The following TECTA variants were observed in gnomAD, a reference collection of about 807,000 sequenced individuals.
TECTA encodes the protein tectorin alpha, also known as alpha-tectorin.
In TECTA, 128 loss-of-function variants were observed where a neutral mutation model predicts 216.8. The ratio of observed to expected loss-of-function variants is 0.59; its 90% CI spans 0.51 to 0.68. The LOEUF is 0.68. Among genes scored for constraint, TECTA ranks in the 30% least tolerant of loss-of-function variants. The probability of loss-of-function intolerance (pLI) is 0.00; values close to 1 mark genes in which losing one functional copy is unlikely to be tolerated. For missense variants in TECTA, 2,551 were observed against 2,786.2 expected (o/e 0.92, Z 1.90); for synonymous variants, 1,089 against 1,117.1 (o/e 0.97, Z 0.50).
chr11:121,162,951 G>T (rs932432102), intron 16 of TECTA, among the ~76,000 whole-genome samples: 1 of 152,090 alleles, frequency 6.6e-6, no homozygotes, highest in African/African-American at 2.4e-5. Flanking sequence ...TATTCAATTT[G>T]TTCATTTTCT....
At chr11:121,118,922 C>T (rs758368991) in intron 7 of TECTA, among the ~76,000 whole-genome samples, 4 of 152,068 alleles carry the variant, frequency 2.6e-5, no homozygotes, top group Admixed American at 6.6e-5. Context: ...TAAGCTCTCT[C>T]CTCAACATGT....
chr11:121,113,781 T>C lies in TECTA; in HGVS notation c.790+63T>C. 2 of 1,599,608 alleles carry C rather than the reference T, an allele frequency of 1.3e-6. No homozygotes were observed. Among genetic ancestry groups the C allele is most frequent in the Non-Finnish European group, 1.7e-6 (2 of 1,172,222 alleles). On this transcript the variant is annotated intron_variant, in intron 6 of 23. Coordinates refer to ENST00000392793, the MANE Select transcript of TECTA (RefSeq NM_005422.4). This position sits in a 1 kb window ranked among gnomAD's most constrained non-coding sequence, Gnocchi z 4.2. ...GTTTAGTGTAGATTGACAGGCAAGC[T>C]TTTAAGCCACGGGGGCGGACTCATT...
At chr11:121,107,181 T>C (rs568606965) in intron 3 of TECTA, among the ~76,000 whole-genome samples, 2 of 152,362 alleles carry the variant, frequency 1.3e-5, no homozygotes, top group South Asian at 4.1e-4. Flanking sequence ...TTTTAAGTTT[T>C]GGGTTGTGTT....
Position 121,125,445 on chromosome 11 carries a change from C to T in TECTA, c.1347C>T (p.Val449=). The change falls in exon 8 of 24, where the codon GTC becomes GTT. Residue 449 remains valine (V), a synonymous_variant. Coordinates refer to ENST00000392793, the MANE Select transcript of TECTA (RefSeq NM_005422.4). ...GCCAGCACTACGCCTCCATTTCCGTCCCAGGCTCCTATATAAACTCCACCT... is the reference window on the plus strand; with the variant it reads ...GCCAGCACTACGCCTCCATTTCCGTTCCAGGCTCCTATATAAACTCCACCT... The part of the protein sequence containing the change: ...FDGQHYASIS[V]PGSYINSTCG... 6.2e-7 allele frequency: 1 copy of T among 1,614,202 alleles called. No individual in the cohort carries two copies. Among genetic ancestry groups the T allele is most frequent in the Non-Finnish European group, 8.5e-7 (1 of 1,180,048 alleles).
chr11:121,158,232 G>A lies in TECTA; in HGVS notation c.4689+8G>A. The A allele has an allele frequency of 1.9e-6, 3 of 1,610,622 alleles. 1 individual carries two copies. The highest frequency in any genetic ancestry group is 1.6e-4 in the Middle Eastern group (1 of 6,062). ...GACCGGAACACGGTCAAGGTAACCA[G>A]CCTGGCGGCCATTCTTAAGAAGGGG... On this transcript the variant is annotated splice_region_variant and intron_variant, in intron 14 of 23. Transcript: ENST00000392793.
At chr11:121,176,847 C>T (rs1427109451) in intron 20 of TECTA, among the ~76,000 whole-genome samples, 1 of 152,150 alleles carries the variant, frequency 6.6e-6, no homozygotes, top group Non-Finnish European at 1.5e-5. Flanking sequence ...CACATAGTCC[C>T]ACATTTCTTG....
At position 121,105,714 on chromosome 11, in the gene TECTA, C is replaced by A; in HGVS notation, c.65-117C>A. The A allele has an allele frequency of 7.5e-7, 1 of 1,335,450 alleles. No individual in the cohort carries two copies. The highest frequency in any genetic ancestry group is 1.0e-6 in the Non-Finnish European group (1 of 955,112). The allele number at this position is 1,335,450 out of a possible 1,614,324, so 82.7% of individuals were successfully genotyped here. Reference sequence around the variant, plus strand: ...TAGGATGAATGACAGGGCAGTATGACTTGCATTCAGCTTGCAAGCCCTACT... The same window carrying A: ...TAGGATGAATGACAGGGCAGTATGAATTGCATTCAGCTTGCAAGCCCTACT... On this transcript the variant is annotated intron_variant, in intron 2 of 23. Transcript: ENST00000392793. The surrounding 1 kb of genome is among the most constrained non-coding windows in gnomAD (Gnocchi z 5.3).
chr11:121,104,151 T>C (rs1946370862), intron 2 of TECTA, among the ~76,000 whole-genome samples: 2 of 152,210 alleles, frequency 1.3e-5, no homozygotes, highest in South Asian at 2.1e-4. Flanking sequence ...TCCTAAAAAG[T>C]TCCCCATGAA....
chr11:121,103,917 A>G (rs1946368384), intron 2 of TECTA, among the ~76,000 whole-genome samples: 1 of 152,204 alleles, frequency 6.6e-6, no homozygotes, highest in Admixed American at 6.5e-5. Flanking sequence ...AGGATCACCC[A>G]CGAAGAGAAG....
intron 20 of TECTA, among the ~76,000 whole-genome samples, chr11:121,175,504 G>T (rs1565538164): frequency 6.6e-6 from 1 of 152,180 alleles, no homozygotes; most frequent in Non-Finnish European, 1.5e-5. Context: ...GAGCGGTTTT[G>T]AGTGAGTTTC....
chr11:121,113,600 G>A lies in TECTA; in HGVS notation c.672G>A (p.Gly224=), dbSNP rs1946466293. The A allele has an allele frequency of 1.2e-6, 2 of 1,613,856 alleles. No individual in the cohort carries two copies. Among genetic ancestry groups the A allele is most frequent in the Non-Finnish European group, 1.7e-6 (2 of 1,180,020 alleles). ...TCACCAATTTCTTCAGCCTCCCGGG[G>A]TCAAGAACCCCCGAGATCGTGAATA... ...GNLTNFFSLP[G]SRTPEIVNIQ... is the part of the protein sequence containing the mutation. Residue 224 remains glycine (G), a synonymous_variant, in exon 6 of 24, where the codon GGG becomes GGA. Coordinates refer to ENST00000392793, the MANE Select transcript of TECTA (RefSeq NM_005422.4). This position sits in a 1 kb window ranked among gnomAD's most constrained non-coding sequence, Gnocchi z 4.2.
At chr11:121,123,498 T>G (rs916215461) in intron 7 of TECTA, among the ~76,000 whole-genome samples, 3 of 152,234 alleles carry the variant, frequency 2.0e-5, no homozygotes, top group African/African-American at 7.2e-5. Context: ...CCTGTCTGGC[T>G]TCTCTGTTTC....
At chr11:121,115,031 G>A (rs1335911670) in intron 6 of TECTA, among the ~76,000 whole-genome samples, 20 of 38,942 alleles carry the variant, frequency 5.1e-4, no homozygotes, top group Admixed American at 2.3e-3. Flanking sequence ...CCATTCATCC[G>A]TCCACCCATT....
chr11:121,153,946 ATC>A (rs1346457936), intron 13 of TECTA, among the ~76,000 whole-genome samples: 9 of 152,206 alleles, frequency 5.9e-5, no homozygotes, highest in African/African-American at 2.2e-4. Context: ...ATAATTGAGT[ATC>A]TGCTGTTTGC....
chr11:121,157,464 G>A (rs1022371357), intron 13 of TECTA, among the ~76,000 whole-genome samples: 6 of 152,092 alleles, frequency 3.9e-5, no homozygotes, highest in Non-Finnish European at 8.8e-5. Flanking sequence ...GTGGTGGCGT[G>A]TGCTTATAGT....
In TECTA at chr11:121,127,629, C is replaced by G. The variant is rs529337686; in HGVS notation, c.1775-123C>G. 41 of 1,107,244 alleles carry G rather than the reference C, an allele frequency of 3.7e-5. No homozygotes were observed. The South Asian group carries it at 5.1e-4, about 14-fold the overall frequency. 68.6% of individuals were successfully genotyped at this position (1,107,244 alleles called of 1,614,324 possible). On this transcript the variant is annotated intron_variant, in intron 8 of 23. Coordinates refer to ENST00000392793, the MANE Select transcript of TECTA (RefSeq NM_005422.4). The surrounding 1 kb of genome is among the most constrained non-coding windows in gnomAD (Gnocchi z 5.0). ...GATACAACCTCAATTCTGTCTTCCC[C>G]GAGTGGCCGCTTGACCCTCACTCTA...
At chr11:121,190,560 C>A (rs1947331287) in intron 23 of TECTA, 146 bp from the exon 24 acceptor site, 1 of 665,488 alleles carries the variant, frequency 1.5e-6, no homozygotes, top group Non-Finnish European at 2.7e-6. Context: ...AATTCTGCTA[C>A]TTTGCTGCCT....
Position 121,165,294 on chromosome 11 carries a change from G to T in TECTA, c.5294G>T (p.Cys1765Phe), listed in dbSNP as rs1306964643. ...TTAGCAGGAGTGGTTGAAGATCCCTGTGTGGGGGCGGACTGTCCCAACCGA... is the reference window on the plus strand; with the variant it reads ...TTAGCAGGAGTGGTTGAAGATCCCTTTGTGGGGGCGGACTGTCCCAACCGA... ...ENCSGVVEDP[C>F]VGADCPNRTC... The change falls in exon 17 of 24, where the codon TGT becomes TTT. Residue 1765 changes from cysteine (C) to phenylalanine (F), a missense_variant. By Grantham distance (205) the Cys-to-Phe change is radical. Around this residue, in one of 3 missense-constraint regions of TECTA, gnomAD observed 2,375 missense variants for 2,563.9 expected, o/e 0.93. Transcript: ENST00000392793. The T allele has an allele frequency of 6.2e-7, 1 of 1,607,030 alleles. No individual in the cohort carries two copies. The highest frequency in any genetic ancestry group is 1.7e-5 in the Admixed American group (1 of 59,178).
Position 121,138,915 on chromosome 11 carries a change from A to G in TECTA, c.3543+893A>G, listed in dbSNP as rs570407990. ...TGTGTCATAATTTTTCTATCTCTAAAGGGACTCCTTTTCATCTTGTATACA... is the reference window on the plus strand; with the variant it reads ...TGTGTCATAATTTTTCTATCTCTAAGGGGACTCCTTTTCATCTTGTATACA... On this transcript the variant is annotated intron_variant, in intron 11 of 23. Coordinates refer to ENST00000392793, the MANE Select transcript of TECTA (RefSeq NM_005422.4). Among the ~76,000 whole-genome samples, 9 of 152,310 alleles carry G rather than the reference A, an allele frequency of 5.9e-5. No individual in the cohort carries two copies. In the East Asian group the frequency reaches 1.7e-3, roughly 29 times the overall value.
Sources: allele counts gnomAD v4.1 joint callset (sites outside exome capture counted in the v4.1 genomes callset), GRCh38; gene constraint gnomAD v4.1.1; regional missense constraint gnomAD v4.1.1; non-coding constraint Gnocchi (gnomAD v3.1); transcripts MANE v1.5; gene names NCBI Gene and HGNC (gene_info 2026-07-23, HGNC 2026-07-21).